Variants in TRAPPC2L observed in about 807,000 individuals in gnomAD.
TRAPPC2L encodes trafficking protein particle complex subunit 2L.
A neutral mutation model predicts 13.2 loss-of-function variants in TRAPPC2L; 17 were observed. The observed-to-expected ratio is 1.29, with a 90% CI of 0.88 to 1.93. The LOEUF is 1.93. Ranked by LOEUF, TRAPPC2L falls within the 30% of genes most tolerant of loss-of-function variation. The pLI is 0.00. For missense variants in TRAPPC2L, 359 were observed against 252.1 expected (o/e 1.42, Z -2.87); for synonymous variants, 150 against 98.1 (o/e 1.53, Z -3.12).
intron 2 of TRAPPC2L, 123 bp from the exon 3 acceptor site, chr16:88,859,540 C>G: frequency 2.1e-6 from 2 of 962,930 alleles, no homozygotes; most frequent in Non-Finnish European, 1.7e-6. Context: ...CACTGCAGGA[C>G]CAGCCCAGCA....
chr16:88,859,123 G>C (rs547386515), intron 2 of TRAPPC2L: 4 of 449,348 alleles, frequency 8.9e-6, no homozygotes, highest in African/African-American at 6.0e-5. Context: ...TTGAGCAGGG[G>C]ATAATAGTTT....
At chr16:88,861,511 G>A (rs1968387384) in exon 4 of TRAPPC2L, 7 of 375,738 alleles carry the variant, frequency 1.9e-5, no homozygotes, top group South Asian at 1.3e-4. Flanking sequence ...GTGAAACCTG[G>A]GAAGCCTCGT....
chr16:88,857,641 G>A (rs1968042813), intron 1 of TRAPPC2L, among the ~76,000 whole-genome samples: 1 of 152,256 alleles, frequency 6.6e-6, no homozygotes, highest in African/African-American at 2.4e-5. Flanking sequence ...GCCTTAGGAT[G>A]CTGTCTGAAT....
upstream of TRAPPC2L, chr16:88,856,652 T>G (rs1597614121): frequency 3.5e-6 from 1 of 287,366 alleles, no homozygotes; most frequent in Non-Finnish European, 6.7e-6. Flanking sequence ...TCCCCTCACC[T>G]CTCCCCCCAC....
chr16:88,858,637 C>T (rs756222478), exon 2 of TRAPPC2L: 18 of 1,613,028 alleles, frequency 1.1e-5, no homozygotes, highest in Admixed American at 1.7e-5. Context: ...CCTCTACATT[C>T]GCAGCACCCC....
chr16:88,860,694 G>A, exon 4 of TRAPPC2L: 2 of 612,838 alleles, frequency 3.3e-6, no homozygotes, highest in East Asian at 2.8e-5. Context: ...CCCCTTCCTG[G>A]GGCCTTGGGA....
upstream of TRAPPC2L, chr16:88,856,628 T>A (rs1013461373): frequency 0.015 from 4,034 of 276,686 alleles, 35 homozygotes; most frequent in Non-Finnish European, 0.024. Context: ...GCCTCCCCCC[T>A]TCCCCAAGGG....
At chr16:88,860,995 C>T (rs1291414452) in exon 4 of TRAPPC2L, 17 of 1,560,214 alleles carry the variant, frequency 1.1e-5, no homozygotes, top group Admixed American at 5.8e-5. Flanking sequence ...GAGGAGCCCG[C>T]GCACGACTGT....
intron 1 of TRAPPC2L, 33 bp downstream of exon 1, chr16:88,857,216 G>A: frequency 5.3e-6 from 8 of 1,514,784 alleles, no homozygotes; most frequent in South Asian, 2.4e-5. Context: ...GTCCGGGCTC[G>A]CACCATCCTC....
At position 88,860,320 on chromosome 16, in the gene TRAPPC2L, C is replaced by G. The variant is rs1024838047; in HGVS notation, c.722C>G (p.Thr241Ser). 1.0e-5 allele frequency: 7 copies of G among 690,224 alleles called. No individual in the cohort carries two copies. The African/African-American group carries it at 1.2e-4, about 12-fold the overall frequency. The allele number at this position is 690,224 out of a possible 1,614,324, so 42.8% of individuals were successfully genotyped here. A position where few individuals can be genotyped will look rare whatever the true frequency, so the allele number is the denominator to read the frequency against. ...GGGATCACACGTCCTTTTGTAGCTACCTGATCTTTTATGTTGAATTTGGAA... is the reference window on the plus strand; with the variant it reads ...GGGATCACACGTCCTTTTGTAGCTAGCTGATCTTTTATGTTGAATTTGGAA... Residue 241 changes from threonine (T) to serine (S), a missense_variant, in exon 4 of 4, where the codon ACC (threonine) becomes AGC (serine). By Grantham distance (58) the Thr-to-Ser change is moderately conservative. Coordinates refer to ENST00000565504, the Ensembl canonical transcript of TRAPPC2L.
chr16:88,861,507 C>T, exon 4 of TRAPPC2L: 3 of 370,872 alleles, frequency 8.1e-6, no homozygotes, highest in South Asian at 3.9e-5. Context: ...CCTTGTGAAA[C>T]CTGGGAAGCC....
At position 88,857,185 on chromosome 16, in the gene TRAPPC2L, T is replaced by G. The variant is rs766956834; in HGVS notation, c.33+2T>G. On this transcript the variant is annotated splice_donor_variant, in intron 1 of 3. Coordinates refer to ENST00000565504, the Ensembl canonical transcript of TRAPPC2L. LOFTEE classifies it high-confidence loss of function. ...TGCATCGCGGTGATTGCCAAGGAGGTGCGTACGCGCGGCGTGGGGCGTCCG... is the reference window on the plus strand; with the variant it reads ...TGCATCGCGGTGATTGCCAAGGAGGGGCGTACGCGCGGCGTGGGGCGTCCG... The G allele has an allele frequency of 7.6e-6, 12 of 1,573,618 alleles. No homozygotes were observed. Among genetic ancestry groups the G allele is most frequent in the Admixed American group, 7.0e-5 (4 of 57,048 alleles).
exon 4 of TRAPPC2L, chr16:88,860,746 GC>G: frequency 1.4e-6 from 1 of 717,678 alleles, no homozygotes; most frequent in Middle Eastern, 3.7e-4. Context: ...GGTTCTCAGT[GC>G]CCGGTGGGGT....
At chr16:88,861,093 C>T (rs1239480888) in exon 4 of TRAPPC2L, 2 of 822,244 alleles carry the variant, frequency 2.4e-6, no homozygotes, top group African/African-American at 1.7e-5. Context: ...GTTCTCTCAA[C>T]TAAAGGTCTT....
At chr16:88,857,437 C>A in intron 1 of TRAPPC2L, 1 of 459,296 alleles carries the variant, frequency 2.2e-6, no homozygotes, top group East Asian at 3.6e-5. Flanking sequence ...CCGCCAGGAC[C>A]CACCAGAAAC....
chr16:88,859,568 TCAAGGTTGCCA>T, intron 2 of TRAPPC2L, 84 bp from the exon 3 acceptor site: 1 of 1,181,598 alleles, frequency 8.5e-7, no homozygotes. Flanking sequence ...TTCCTGTGAT[TCAAGGTTGCCA>T]CATTTCTCCA....
chr16:88,861,345 T>C (rs112344905), exon 4 of TRAPPC2L: 21,368 of 354,688 alleles, frequency 0.06, 2,035 homozygotes, highest in African/African-American at 0.28. Flanking sequence ...CTGGAGGGGG[T>C]GGCCTCCTGA....
chr16:88,857,582 T>C (rs1472389116), intron 1 of TRAPPC2L: 1 of 231,438 alleles, frequency 4.3e-6, no homozygotes, highest in Non-Finnish European at 8.5e-6. Flanking sequence ...TAAAAACAAA[T>C]CGGATCCTGT....
At position 88,858,756 on chromosome 16, in the gene TRAPPC2L, C is replaced by T. The variant is rs543023871; in HGVS notation, c.171C>T (p.Tyr57=). Reference sequence around the variant, plus strand: ...CCCTGGTCGACCAGAGGGAGCTGTACCTGGGCCTGCTCTACCCCACGGAGG... The same window carrying T: ...CCCTGGTCGACCAGAGGGAGCTGTATCTGGGCCTGCTCTACCCCACGGAGG... Residue 57 remains tyrosine, a synonymous_variant, in exon 2 of 4, where the codon TAC becomes TAT. Transcript: ENST00000565504. 45 of 1,613,432 alleles carry T rather than the reference C, an allele frequency of 2.8e-5. No homozygotes were observed. The South Asian group carries it at 3.5e-4, about 13-fold the overall frequency.
Sources: gnomAD v4.1 joint callset for allele counts (sites outside exome capture counted in the v4.1 genomes callset) on GRCh38, gnomAD v4.1.1 for gene constraint, MANE v1.5 for transcripts, NCBI Gene and HGNC (gene_info 2026-07-23, HGNC 2026-07-21) for gene names.